DPP6: variants seen among roughly 807,000 people sequenced by gnomAD.
DPP6 encodes the protein dipeptidyl peptidase like 6.
In DPP6, 69 loss-of-function variants were observed where a neutral mutation model predicts 122.6. The observed-to-expected ratio is 0.56, with a 90% CI of 0.46 to 0.69. The LOEUF is 0.69. DPP6 is among the 30% of genes least tolerant of loss of function. The pLI, the probability that DPP6 is intolerant of heterozygous loss-of-function variation, is 0.00. For synonymous variants in DPP6, 418 were observed against 433.1 expected, an observed-to-expected ratio of 0.97 and a Z score of 0.43; for missense variants, 928 against 1,116.9, an observed-to-expected ratio of 0.83 and a Z score of 2.41.
chr7:154,528,900 A>T (rs544966719), intron 3 of DPP6, among the ~76,000 whole-genome samples: 2 of 152,244 alleles, frequency 1.3e-5, no homozygotes, highest in Admixed American at 1.3e-4. Flanking sequence ...GGATTGGGAG[A>T]CATGGTGGTG....
intron 7 of DPP6, among the ~76,000 whole-genome samples, chr7:154,723,756 T>G (rs1841935245): frequency 6.6e-6 from 1 of 152,218 alleles, no homozygotes; most frequent in Non-Finnish European, 1.5e-5. Context: ...GCAAAATACC[T>G]TCCCTCCATA....
chr7:154,872,489 G>A, intron 18 of DPP6, 135 bp from the exon 19 acceptor site: 1 of 1,375,616 alleles, frequency 7.3e-7, no homozygotes, highest in Non-Finnish European at 9.7e-7. Context: ...GAAAACCCTG[G>A]GCCAGTCTCT....
At chr7:154,265,380 A>G (rs577143512) in intron 1 of DPP6, among the ~76,000 whole-genome samples, 3 of 152,354 alleles carry the variant, frequency 2.0e-5, no homozygotes, top group East Asian at 3.9e-4. Context: ...TTGGGCAAAA[A>G]GAAGGCCTCT....
intron 8 of DPP6, among the ~76,000 whole-genome samples, chr7:154,741,473 C>T (rs1362242874): frequency 2.0e-5 from 3 of 152,242 alleles, no homozygotes; most frequent in Admixed American, 1.3e-4. Flanking sequence ...AAGAAGAGAG[C>T]ACCTTTCAGC....
chr7:154,788,420 G>T (rs1161444191), intron 10 of DPP6, among the ~76,000 whole-genome samples: 1 of 151,178 alleles, frequency 6.6e-6, no homozygotes, highest in Non-Finnish European at 1.5e-5. Flanking sequence ...CTCTAGCCTG[G>T]GTGACAGAGT....
intron 1 of DPP6, among the ~76,000 whole-genome samples, chr7:154,176,587 C>T (rs1797812725): frequency 6.6e-6 from 1 of 152,216 alleles, no homozygotes; most frequent in Non-Finnish European, 1.5e-5. Context: ...TGTCCAGAGT[C>T]ACCATGTAAA....
intron 4 of DPP6, among the ~76,000 whole-genome samples, chr7:154,544,307 T>G (rs1290478155): frequency 6.6e-6 from 1 of 152,098 alleles, no homozygotes; most frequent in African/African-American, 2.4e-5. Context: ...TTGTCTACAT[T>G]TCTACAGAAA....
chr7:154,663,775 C>T, intron 6 of DPP6, among the ~76,000 whole-genome samples: 1 of 109,208 alleles, frequency 9.2e-6, no homozygotes, highest in African/African-American at 3.0e-5. Flanking sequence ...GGTGAATCAC[C>T]ATGGCGTATC....
At chr7:154,617,417 A>G (rs114153428) in intron 5 of DPP6, among the ~76,000 whole-genome samples, 2,824 of 152,334 alleles carry the variant, frequency 0.019, 81 homozygotes, top group African/African-American at 0.064. Context: ...TAGAAATGCA[A>G]TTGCAAATGG....
intron 7 of DPP6, among the ~76,000 whole-genome samples, chr7:154,722,659 C>T (rs777939491): frequency 5.3e-5 from 8 of 151,994 alleles, no homozygotes; most frequent in African/African-American, 7.3e-5. Flanking sequence ...GGGTGGCCCA[C>T]GGTTGTGAGT....
At chr7:154,408,051 CTGT>C (rs1212640861) in intron 1 of DPP6, among the ~76,000 whole-genome samples, 2 of 152,100 alleles carry the variant, frequency 1.3e-5, no homozygotes, top group African/African-American at 4.8e-5. Context: ...GAGGTATTTG[CTGT>C]TGTTGTCATA....
chr7:154,450,579 G>A (rs1239993405), intron 2 of DPP6, among the ~76,000 whole-genome samples: 1 of 152,160 alleles, frequency 6.6e-6, no homozygotes, highest in Non-Finnish European at 1.5e-5. Context: ...GGGAGAGAGA[G>A]CGTTGCAGTC....
intron 16 of DPP6, among the ~76,000 whole-genome samples, chr7:154,820,502 G>A (rs1799691414): frequency 1.3e-5 from 2 of 152,206 alleles, no homozygotes; most frequent in African/African-American, 2.4e-5. Flanking sequence ...GGATCACGCT[G>A]ACGTAAATGA....
chr7:154,130,821 T>TA (rs201499524), intron 1 of DPP6, among the ~76,000 whole-genome samples: 322 of 150,470 alleles, frequency 2.1e-3, no homozygotes, highest in African/African-American at 7.5e-3. Context: ...AGCTCCACAA[T>TA]AAAAAAAAAT....
At chr7:154,298,793 C>T (rs761971386) in intron 1 of DPP6, among the ~76,000 whole-genome samples, 2 of 152,124 alleles carry the variant, frequency 1.3e-5, no homozygotes, top group Admixed American at 6.5e-5. Flanking sequence ...CTCTTCCTCT[C>T]GAAGCCTGGG....
At chr7:153,827,068 A>C in the DPP6 span, among the ~76,000 whole-genome samples, 2 of 151,760 alleles carry the variant, frequency 1.3e-5, no homozygotes, top group African/African-American at 4.8e-5. Context: ...GTTTGAAAAG[A>C]AAAAAAAATT....
intron 1 of DPP6, among the ~76,000 whole-genome samples, chr7:153,923,780 A>AG (rs1259887776): frequency 1.3e-5 from 2 of 151,054 alleles, no homozygotes; most frequent in Admixed American, 1.3e-4. Flanking sequence ...AAAAAAAAAA[A>AG]AAGAAGATTC....
At chr7:154,621,231 A>T (rs1258149796) in intron 5 of DPP6, among the ~76,000 whole-genome samples, 2 of 152,188 alleles carry the variant, frequency 1.3e-5, no homozygotes, top group African/African-American at 4.8e-5. Context: ...GCCTGCTAAG[A>T]ATGAGTCTAT....
chr7:153,856,843 A>T, the DPP6 span, among the ~76,000 whole-genome samples: 98 of 152,274 alleles, frequency 6.4e-4, no homozygotes, highest in Non-Finnish European at 1.1e-3. Context: ...CAATGTGGGG[A>T]TTATTGGCTC....
Sources: allele counts gnomAD v4.1 joint callset (sites outside exome capture counted in the v4.1 genomes callset), GRCh38; gene constraint gnomAD v4.1.1; transcripts MANE v1.5; gene names NCBI Gene and HGNC (gene_info 2026-07-23, HGNC 2026-07-21).